The following TCF7L2 variants were observed in gnomAD, a reference collection of about 807,000 sequenced individuals.
TCF7L2 encodes the protein transcription factor 7-like 2.
A neutral mutation model predicts 77.9 loss-of-function variants in TCF7L2; 23 were observed. The ratio of observed to expected loss-of-function variants is 0.30; its 90% CI spans 0.21 to 0.42. The LOEUF (loss-of-function observed/expected upper bound fraction) is 0.42, where lower values mean the gene tolerates loss of function less well. Among genes scored for constraint, TCF7L2 ranks in the 10% least tolerant of loss-of-function variants. TCF7L2 has a pLI of 1.00. For missense variants in TCF7L2, 654 were observed against 793.1 expected (o/e 0.82, Z 2.11); for synonymous variants, 413 against 340.2 (o/e 1.21, Z -2.36).
At chr10:113,109,809 G>C (rs1006148050) in intron 5 of TCF7L2, among the ~76,000 whole-genome samples, 1 of 152,248 alleles carries the variant, frequency 6.6e-6, no homozygotes, top group African/African-American at 2.4e-5. Context: ...AACAGGCTTA[G>C]ATGCAATGGC....
At chr10:113,063,522 A>G (rs958688612) in intron 5 of TCF7L2, among the ~76,000 whole-genome samples, 7 of 152,030 alleles carry the variant, frequency 4.6e-5, no homozygotes, top group Admixed American at 4.6e-4. Flanking sequence ...TGAGGGATGG[A>G]GAGGAGAGGA....
intron 4 of TCF7L2, among the ~76,000 whole-genome samples, chr10:112,985,077 G>A (rs377113180): frequency 2.7e-4 from 41 of 152,198 alleles, no homozygotes; most frequent in African/African-American, 8.4e-4. Flanking sequence ...CATGTACAGC[G>A]CCACAGTGCT....
intron 4 of TCF7L2, among the ~76,000 whole-genome samples, chr10:113,004,262 G>A (rs72826078): frequency 0.013 from 1,934 of 152,256 alleles, 19 homozygotes; most frequent in Non-Finnish European, 0.019. Context: ...TCTTGGCAGG[G>A]CAGGGAGTAG....
Position 113,082,131 on chromosome 10 carries a change from A to ATT in TCF7L2, c.552+42020_552+42021dup, listed in dbSNP as rs10583826. ...GGGATTATAGGTGTGAGCCACTACCATTTTTTTTTTTTTTTTGCGTGCCTT... is the reference window on the plus strand; with the variant it reads ...GGGATTATAGGTGTGAGCCACTACCATTTTTTTTTTTTTTTTTTGCGTGCCTT... On this transcript the variant is annotated intron_variant, in intron 5 of 13. Transcript: ENST00000627217. Among the ~76,000 whole-genome samples, 789 of 135,492 alleles carry ATT rather than the reference A, an allele frequency of 5.8e-3. 5 individuals are homozygous for ATT. Among genetic ancestry groups the ATT allele is most frequent in the African/African-American group, 0.017 (617 of 37,108 alleles). 88.9% of individuals were successfully genotyped at this position (135,492 alleles called of 152,430 possible).
intron 4 of TCF7L2, among the ~76,000 whole-genome samples, chr10:112,974,108 TAA>T: frequency 6.6e-6 from 1 of 152,246 alleles, no homozygotes; most frequent in East Asian, 1.9e-4. Flanking sequence ...TCATCTTGTC[TAA>T]GCCAATAGCA....
chr10:113,061,847 G>C (rs1295986736), intron 5 of TCF7L2, among the ~76,000 whole-genome samples: 1 of 152,246 alleles, frequency 6.6e-6, no homozygotes, highest in Non-Finnish European at 1.5e-5. Flanking sequence ...GCCCTCTCGA[G>C]AGTGTCAGGA....
rs1471260318 is a variant in TCF7L2 at position 113,040,126 on chromosome 10, C to T, written c.552C>T (p.Val184=). 17 of 1,613,054 alleles carry T rather than the reference C, an allele frequency of 1.1e-5. No individual in the cohort carries two copies. Among genetic ancestry groups the T allele is most frequent in the Middle Eastern group, 1.6e-4 (1 of 6,082 alleles). ...GGTCCCCATCACCGGCACACATTGT[C>T]GTAAGTAACCTCCCAGAGATGATGG... Residue 184 remains valine (V), a splice_region_variant and synonymous_variant, in exon 5 of 14, where the codon GTC becomes GTT. Coordinates refer to ENST00000627217, the MANE Select transcript of TCF7L2 (RefSeq NM_001146274.2).
intron 4 of TCF7L2, among the ~76,000 whole-genome samples, chr10:112,993,455 G>A (rs1005260459): frequency 6.6e-6 from 1 of 151,100 alleles, no homozygotes; most frequent in African/African-American, 2.4e-5. Context: ...GCAGTGAGCC[G>A]AGATCACACC....
chr10:113,072,741 G>A (rs1283651118), intron 5 of TCF7L2, among the ~76,000 whole-genome samples: 1 of 152,090 alleles, frequency 6.6e-6, no homozygotes, highest in Non-Finnish European at 1.5e-5. Context: ...AATATGAGAA[G>A]TTTTTATTTG....
chr10:112,992,721 C>T (rs115569934), intron 4 of TCF7L2, among the ~76,000 whole-genome samples: 2 of 151,996 alleles, frequency 1.3e-5, no homozygotes, highest in Admixed American at 1.3e-4. Context: ...CAAGCAGACC[C>T]CCTCTGTGAC....
intron 5 of TCF7L2, among the ~76,000 whole-genome samples, chr10:113,071,551 C>T (rs1398186639): frequency 1.3e-5 from 2 of 152,172 alleles, no homozygotes; most frequent in South Asian, 2.1e-4. Context: ...ACCTCTCTCC[C>T]CAAGTTCACA....
intron 5 of TCF7L2, among the ~76,000 whole-genome samples, chr10:113,070,238 G>C (rs997264352): frequency 7.3e-6 from 1 of 137,712 alleles, no homozygotes; most frequent in African/African-American, 2.7e-5. Flanking sequence ...CCTGGCGACA[G>C]AGTGAGACTC....
At chr10:112,997,850 C>T (rs192541041) in intron 4 of TCF7L2, among the ~76,000 whole-genome samples, 79 of 152,288 alleles carry the variant, frequency 5.2e-4, no homozygotes, top group Non-Finnish European at 9.6e-4. Flanking sequence ...TAAGAGCCGT[C>T]CTCTTTGGCT....
At position 113,003,247 on chromosome 10, in the gene TCF7L2, G is replaced by A. The variant is rs557846618; in HGVS notation, c.451-36778G>A. ...CACCTTTGAGCAAACATTATTTATT[G>A]TGGCTGATGTGTGATCAGGTCTTGA... On this transcript the variant is annotated intron_variant, in intron 4 of 13. Coordinates refer to ENST00000627217, the MANE Select transcript of TCF7L2 (RefSeq NM_001146274.2). Among the ~76,000 whole-genome samples, 13 of 152,290 alleles carry A rather than the reference G, an allele frequency of 8.5e-5. No homozygotes were observed. The South Asian group carries it at 2.7e-3, about 32-fold the overall frequency.
intron 5 of TCF7L2, among the ~76,000 whole-genome samples, chr10:113,059,421 C>T (rs2056038562): frequency 1.3e-5 from 2 of 151,442 alleles, no homozygotes; most frequent in Admixed American, 1.3e-4. Context: ...GCAAAGTGTT[C>T]CAAGAAGGAA....
intron 5 of TCF7L2, among the ~76,000 whole-genome samples, chr10:113,066,844 C>T (rs2057327240): frequency 6.6e-6 from 1 of 152,254 alleles, no homozygotes; most frequent in African/African-American, 2.4e-5. Flanking sequence ...CTGGGCTGCC[C>T]TGCAGCTTGC....
chr10:112,972,772 A>G (rs2038566067), intron 4 of TCF7L2, among the ~76,000 whole-genome samples: 1 of 152,208 alleles, frequency 6.6e-6, no homozygotes, highest in Non-Finnish European at 1.5e-5. Context: ...CGCCCAGCAT[A>G]TGTGAATTCT....
chr10:113,059,309 T>A (rs1196831685), intron 5 of TCF7L2, among the ~76,000 whole-genome samples: 1 of 152,042 alleles, frequency 6.6e-6, no homozygotes, highest in Admixed American at 6.5e-5. Context: ...ACATGCGGCT[T>A]TCAAGGCTGG....
chr10:113,117,412 TCTCTCTCTCTCTCTCTCTCTCC>T lies in TCF7L2; in HGVS notation c.553-23750_553-23729del, dbSNP rs1433043022. Among the ~76,000 whole-genome samples the T allele has an allele frequency of 7.0e-3, 307 of 44,056 alleles. 37 individuals carry two copies. Among genetic ancestry groups the T allele is most frequent in the Middle Eastern group, 0.023 (2 of 88 alleles). The allele number at this position is 44,056 out of a possible 152,430, so 28.9% of individuals were successfully genotyped here. A position where few individuals can be genotyped will look rare whatever the true frequency, so the allele number is the denominator to read the frequency against. The stretch of plus-strand genomic sequence containing the variant: ...CTCTCTCTCTCTCTCTCTCTCTCTC[TCTCTCTCTCTCTCTCTCTCTCC>T]CTCTCTCTCTCTCTCTCTCTCTCTT... On this transcript the variant is annotated intron_variant, in intron 5 of 13. Transcript: ENST00000627217.
Sources: gnomAD v4.1 joint callset for allele counts (sites outside exome capture counted in the v4.1 genomes callset) on GRCh38, gnomAD v4.1.1 for gene constraint, MANE v1.5 for transcripts, NCBI Gene and HGNC (gene_info 2026-07-23, HGNC 2026-07-21) for gene names.